The following LARGE1 variants were observed in gnomAD, a reference collection of about 807,000 sequenced individuals.
LARGE1 encodes LARGE xylosyl- and glucuronyltransferase 1.
A neutral mutation model predicts 87.6 loss-of-function variants in LARGE1; 43 were observed. The ratio of observed to expected loss-of-function variants is 0.49; its 90% CI spans 0.38 to 0.63. The LOEUF is 0.63. Ranked by LOEUF, LARGE1 falls within the 30% of genes least tolerant of loss-of-function variation. The pLI, the probability that LARGE1 is intolerant of heterozygous loss-of-function variation, is 0.00. For missense variants in LARGE1, 802 were observed against 1,000.2 expected (o/e 0.80, Z 2.67); for synonymous variants, 434 against 394.6 (o/e 1.10, Z -1.18).
intron 6 of LARGE1, among the ~76,000 whole-genome samples, chr22:33,489,760 G>A (rs2069746412): frequency 6.6e-6 from 1 of 152,116 alleles, no homozygotes; most frequent in South Asian, 2.1e-4. Context: ...GCATGAAAGC[G>A]AACTAATAGA....
chr22:33,237,089 C>CAAGATAATTGAA, intron 11 of LARGE1, among the ~76,000 whole-genome samples: 1 of 152,108 alleles, frequency 6.6e-6, no homozygotes, highest in African/African-American at 2.4e-5. Flanking sequence ...CCACTATATC[C>CAAGATAATTGAA]CTCTGGAGAT....
At chr22:33,093,917 C>T in the LARGE1 span, among the ~76,000 whole-genome samples, 1 of 147,742 alleles carries the variant, frequency 6.8e-6, no homozygotes, top group African/African-American at 2.5e-5. Context: ...AACCTCCTGC[C>T]TCCTGGGTTC....
intron 2 of LARGE1, among the ~76,000 whole-genome samples, chr22:33,654,107 C>T (rs532081086): frequency 7.8e-4 from 119 of 152,324 alleles, no homozygotes; most frequent in Non-Finnish European, 1.0e-3. Flanking sequence ...CCAAATTTAA[C>T]TCTCAAAGAC....
At chr22:33,389,941 C>T (rs527812307) in intron 7 of LARGE1, among the ~76,000 whole-genome samples, 30 of 152,296 alleles carry the variant, frequency 2.0e-4, no homozygotes, top group African/African-American at 6.7e-4. Context: ...CCTGCCATTT[C>T]ACAAGATCAA....
intron 1 of LARGE1, among the ~76,000 whole-genome samples, chr22:33,857,268 C>G (rs1225451695): frequency 6.6e-6 from 1 of 152,138 alleles, no homozygotes; most frequent in Non-Finnish European, 1.5e-5. Context: ...ATTAGTGGCT[C>G]TTTTATTCTA....
At chr22:33,134,236 T>C in the LARGE1 span, among the ~76,000 whole-genome samples, 1 of 150,588 alleles carries the variant, frequency 6.6e-6, no homozygotes, top group East Asian at 2.0e-4. Flanking sequence ...TGTCATAGTC[T>C]GCACTCACAA....
At chr22:33,742,457 G>A (rs1394886131) in intron 2 of LARGE1, among the ~76,000 whole-genome samples, 1 of 152,208 alleles carries the variant, frequency 6.6e-6, no homozygotes, top group Non-Finnish European at 1.5e-5. Context: ...GAACTGTCAT[G>A]TAGTATGAGT....
intron 1 of LARGE1, among the ~76,000 whole-genome samples, chr22:33,884,227 T>C (rs577129131): frequency 6.6e-6 from 1 of 152,356 alleles, no homozygotes; most frequent in South Asian, 2.1e-4. Flanking sequence ...CAGCTTCCTC[T>C]GTGTACGAAT....
chr22:33,572,121 T>C (rs1290324731), intron 5 of LARGE1: 1 of 903,294 alleles, frequency 1.1e-6, no homozygotes, highest in Admixed American at 2.3e-5. Flanking sequence ...TGGAAATATT[T>C]TTTGCTCAAA....
rs902395037 is a variant in LARGE1, at chr22:33,842,080, G to A, written c.-83+77915C>T. On this transcript the variant is annotated intron_variant, in intron 1 of 14. Coordinates refer to ENST00000397394, the MANE Select transcript of LARGE1 (RefSeq NM_133642.5). ...AACATTAAACACAGTTACTGTTATC[G>A]AAATCGAAATCCCTTTATAGTTCTA... Among the ~76,000 whole-genome samples, 8 of 152,190 alleles carry A rather than the reference G, an allele frequency of 5.3e-5. No homozygotes were observed. In the South Asian group the frequency reaches 8.3e-4, roughly 16 times the overall value.
At chr22:33,454,206 G>A (rs1237962189) in intron 6 of LARGE1, among the ~76,000 whole-genome samples, 2 of 152,062 alleles carry the variant, frequency 1.3e-5, no homozygotes, top group African/African-American at 2.4e-5. Context: ...GGGGGTGCAC[G>A]TACCATAAAC....
chr22:33,196,270 T>C (rs1381745527), intron 11 of LARGE1, among the ~76,000 whole-genome samples: 2 of 151,796 alleles, frequency 1.3e-5, no homozygotes, highest in Admixed American at 1.3e-4. Flanking sequence ...AACTAGGCAA[T>C]AGAAGACAAA....
At chr22:33,881,075 G>A (rs1041178408) in intron 1 of LARGE1, among the ~76,000 whole-genome samples, 3 of 150,126 alleles carry the variant, frequency 2.0e-5, no homozygotes, top group South Asian at 2.1e-4. Context: ...TTTTACTTTC[G>A]ATAAAGATGC....
chr22:33,358,839 C>T (rs978053118), intron 9 of LARGE1, among the ~76,000 whole-genome samples: 1 of 151,530 alleles, frequency 6.6e-6, no homozygotes, highest in Non-Finnish European at 1.5e-5. Context: ...ACAACAACAA[C>T]AACAAAAAAT....
intron 6 of LARGE1, among the ~76,000 whole-genome samples, chr22:33,483,651 T>G (rs1362961828): frequency 6.6e-6 from 1 of 152,170 alleles, no homozygotes; most frequent in Non-Finnish European, 1.5e-5. Context: ...TAATGAATGC[T>G]AGTAATGATC....
intron 9 of LARGE1, among the ~76,000 whole-genome samples, chr22:33,376,104 G>C (rs1200363484): frequency 6.6e-6 from 1 of 151,892 alleles, no homozygotes; most frequent in Non-Finnish European, 1.5e-5. Context: ...AATAAAAATT[G>C]GCCATTTCCA....
intron 6 of LARGE1, among the ~76,000 whole-genome samples, chr22:33,533,686 A>G: frequency 6.6e-6 from 1 of 152,196 alleles, no homozygotes; most frequent in Non-Finnish European, 1.5e-5. Context: ...GTCTAAAGTC[A>G]TCTAAAAGAA....
At chr22:33,296,569 CTTTTTTTTTTT>C (rs66851772) in intron 12 of LARGE1, among the ~76,000 whole-genome samples, 2 of 133,918 alleles carry the variant, frequency 1.5e-5, no homozygotes, top group East Asian at 4.2e-4. Flanking sequence ...TTTTTCTTTT[CTTTTTTTTTTT>C]TTTTTGAGAT....
At chr22:33,133,530 T>C in the LARGE1 span, among the ~76,000 whole-genome samples, 3 of 152,226 alleles carry the variant, frequency 2.0e-5, no homozygotes, top group Admixed American at 2.0e-4. Flanking sequence ...AATGACTGCA[T>C]AGTATTCCAT....
Sources: allele counts gnomAD v4.1 joint callset (sites outside exome capture counted in the v4.1 genomes callset), GRCh38; gene constraint gnomAD v4.1.1; transcripts MANE v1.5; gene names NCBI Gene and HGNC (gene_info 2026-07-23, HGNC 2026-07-21).